Variants in GAB1 observed in about 807,000 individuals in gnomAD.
GAB1 encodes the protein GRB2 associated binding protein 1.
Under a neutral mutation model 66.5 loss-of-function variants are expected in GAB1, and 19 were observed. The ratio of observed to expected loss-of-function variants is 0.29; its 90% CI spans 0.20 to 0.42. GAB1 has a LOEUF of 0.42. Ranked by LOEUF, GAB1 falls within the 10% of genes least tolerant of loss-of-function variation. The probability of loss-of-function intolerance (pLI) is 1.00; values close to 1 mark genes in which losing one functional copy is unlikely to be tolerated. For synonymous variants in GAB1, 294 were observed against 301.4 expected, an observed-to-expected ratio of 0.98 and a Z score of 0.25; for missense variants, 732 against 858.5, an observed-to-expected ratio of 0.85 and a Z score of 1.84.
rs577651073 is a variant in GAB1 at position 143,366,214 on chromosome 4, G to A, written c.72+28954G>A. 7.2e-5 allele frequency among the ~76,000 whole-genome samples: 11 copies of A among 152,250 alleles called. No individual in the cohort carries two copies. In the South Asian group the frequency reaches 2.1e-3, roughly 29 times the overall value. On this transcript the variant is annotated intron_variant, in intron 1 of 9. Transcript: ENST00000262994. ...TGATTTTTATGCTGTATTCATTTGC[G>A]TATTTCCTTGTTGTATGTGGTTCTG...
At position 143,337,060 on chromosome 4, in the gene GAB1, C is replaced by T. The variant is rs1228282783; in HGVS notation, c.-129C>T. 3 of 748,180 alleles carry T rather than the reference C, an allele frequency of 4.0e-6. No individual in the cohort carries two copies. Among genetic ancestry groups the T allele is most frequent in the African/African-American group, 3.6e-5 (2 of 54,842 alleles). The allele number at this position is 748,180 out of a possible 1,614,324, so 46.3% of individuals were successfully genotyped here. On this transcript the variant is annotated 5_prime_UTR_variant, in exon 1 of 10. Coordinates refer to ENST00000262994, the MANE Select transcript of GAB1 (RefSeq NM_002039.4). ...CCGCGCACCGTGGAGTCTGTCCGCCCAGTCCGTCCGGGGTGCGCGACCAGG... is the reference window on the plus strand; with the variant it reads ...CCGCGCACCGTGGAGTCTGTCCGCCTAGTCCGTCCGGGGTGCGCGACCAGG...
Position 143,337,245 on chromosome 4 carries a change from A to T in GAB1, c.57A>T (p.Lys19Asn). 6.3e-7 allele frequency: 1 copy of T among 1,582,032 alleles called. No individual in the cohort carries two copies. The highest frequency in any genetic ancestry group is 8.6e-7 in the Non-Finnish European group (1 of 1,163,584). ...SGWLRKSPPE[K>N]KLKRYAWKRR... Reference sequence around the variant, plus strand: ...GGCTCCGCAAGTCCCCCCCGGAGAAAAAGTTGAAGCGTTATGTAAGTAGAG... The same window carrying T: ...GGCTCCGCAAGTCCCCCCCGGAGAATAAGTTGAAGCGTTATGTAAGTAGAG... The change falls in exon 1 of 10, where the codon AAA (lysine) becomes AAT (asparagine). Residue 19 changes from lysine (K) to asparagine (N), a missense_variant. Lys to Asn is a moderately conservative substitution (Grantham distance 94). Coordinates refer to ENST00000262994, the MANE Select transcript of GAB1 (RefSeq NM_002039.4).
intron 1 of GAB1, among the ~76,000 whole-genome samples, chr4:143,389,084 C>A (rs1019542920): frequency 3.3e-5 from 5 of 152,240 alleles, no homozygotes; most frequent in African/African-American, 1.2e-4. Context: ...TCTAAAATCA[C>A]TCACATTATA....
intron 2 of GAB1, among the ~76,000 whole-genome samples, chr4:143,426,200 G>A (rs1173916271): frequency 6.6e-6 from 1 of 152,136 alleles, no homozygotes; most frequent in African/African-American, 2.4e-5. Flanking sequence ...TTTTTGAGGA[G>A]CAAATCCCAA....
chr4:143,364,286 G>T (rs1005575436), intron 1 of GAB1, among the ~76,000 whole-genome samples: 11 of 151,142 alleles, frequency 7.3e-5, no homozygotes, highest in Non-Finnish European at 2.9e-5. Context: ...TCCTTCCTAC[G>T]TGCATGGGCT....
At chr4:143,444,473 G>A (rs1734403646) in intron 6 of GAB1, among the ~76,000 whole-genome samples, 1 of 152,166 alleles carries the variant, frequency 6.6e-6, no homozygotes, top group South Asian at 2.1e-4. Context: ...GCATACAGAA[G>A]ACTAATCCTG....
At chr4:143,339,998 A>T (rs946239268) in intron 1 of GAB1, among the ~76,000 whole-genome samples, 3 of 151,772 alleles carry the variant, frequency 2.0e-5, no homozygotes, top group African/African-American at 7.3e-5. Context: ...GGAAACCAGC[A>T]TGGAGTGTAA....
At chr4:143,342,724 A>T (rs1030774432) in intron 1 of GAB1, among the ~76,000 whole-genome samples, 3 of 147,210 alleles carry the variant, frequency 2.0e-5, no homozygotes, top group South Asian at 2.2e-4. Context: ...CGCCCGGCAA[A>T]TTTTTTTTTT....
At chr4:143,459,706 A>G (rs1406303879) in intron 7 of GAB1, among the ~76,000 whole-genome samples, 1 of 152,114 alleles carries the variant, frequency 6.6e-6, no homozygotes, top group African/African-American at 2.4e-5. Context: ...AGGCTACATG[A>G]TAAGTGATGA....
intron 1 of GAB1, among the ~76,000 whole-genome samples, chr4:143,389,505 C>T (rs983453713): frequency 1.6e-4 from 25 of 152,146 alleles, no homozygotes; most frequent in Admixed American, 9.8e-4. Flanking sequence ...GCTTCCAGAC[C>T]CCTCTGACCT....
At chr4:143,404,625 C>T (rs989300855) in intron 1 of GAB1, among the ~76,000 whole-genome samples, 2 of 152,092 alleles carry the variant, frequency 1.3e-5, no homozygotes, top group South Asian at 2.1e-4. Context: ...GTGGCATGCA[C>T]GTGTGGTCCC....
intron 1 of GAB1, among the ~76,000 whole-genome samples, chr4:143,356,000 C>A (rs373292780): frequency 2.6e-5 from 4 of 151,960 alleles, no homozygotes; most frequent in Non-Finnish European, 5.9e-5. Context: ...AGCTGCATGG[C>A]CTAAGTTCTG....
intron 1 of GAB1, among the ~76,000 whole-genome samples, chr4:143,377,097 G>GTT (rs199689412): frequency 2.1e-5 from 3 of 144,124 alleles, no homozygotes; most frequent in Non-Finnish European, 1.5e-5. Context: ...TAGTCTGGTG[G>GTT]TTTTTTTTTT....
chr4:143,439,760 C>A, intron 4 of GAB1, 42 bp from the exon 5 acceptor site: 1 of 1,419,026 alleles, frequency 7.0e-7, no homozygotes, highest in Non-Finnish European at 1.0e-6. Flanking sequence ...TGAGAGCTGG[C>A]AAAGATGGGA....
chr4:143,450,526 C>T (rs1734863638), intron 6 of GAB1, among the ~76,000 whole-genome samples: 1 of 152,106 alleles, frequency 6.6e-6, no homozygotes, highest in Non-Finnish European at 1.5e-5. Flanking sequence ...ACATGACTGC[C>T]TTGACTGTAT....
chr4:143,460,097 T>G (rs1156663145), intron 7 of GAB1, among the ~76,000 whole-genome samples: 1 of 152,156 alleles, frequency 6.6e-6, no homozygotes, highest in Non-Finnish European at 1.5e-5. Context: ...TCTGTAACTT[T>G]CTACTTATCA....
chr4:143,343,666 A>G (rs1227783755), intron 1 of GAB1: 1 of 154,840 alleles, frequency 6.5e-6, no homozygotes, highest in Non-Finnish European at 1.5e-5. Flanking sequence ...GAAAGTTTAG[A>G]GTGAGAACAG....
chr4:143,356,473 T>TA (rs1476218300), intron 1 of GAB1, among the ~76,000 whole-genome samples: 2 of 114,720 alleles, frequency 1.7e-5, no homozygotes, highest in Non-Finnish European at 4.1e-5. Context: ...CTTGCTTTCA[T>TA]ACCCATAGAG....
At chr4:143,382,473 TG>T (rs1448381561) in intron 1 of GAB1, among the ~76,000 whole-genome samples, 1 of 152,216 alleles carries the variant, frequency 6.6e-6, no homozygotes, top group East Asian at 1.9e-4. Flanking sequence ...ATTTGGGACT[TG>T]GGGAAACTAT....
Sources: allele counts gnomAD v4.1 joint callset (sites outside exome capture counted in the v4.1 genomes callset), GRCh38; gene constraint gnomAD v4.1.1; transcripts MANE v1.5; gene names NCBI Gene and HGNC (gene_info 2026-07-23, HGNC 2026-07-21).